GFRA1: variants seen among roughly 807,000 people sequenced by gnomAD.
GFRA1 encodes GDNF family receptor alpha 1.
Under a neutral mutation model 51.6 loss-of-function variants are expected in GFRA1, and 16 were observed. That is an observed-to-expected ratio of 0.31 (90% CI 0.21 to 0.47). The LOEUF is 0.47. Among genes scored for constraint, GFRA1 ranks in the 20% least tolerant of loss-of-function variants. GFRA1 has a pLI of 1.00. For missense variants in GFRA1, 530 were observed against 594.3 expected, an observed-to-expected ratio of 0.89 and a Z score of 1.13; for synonymous variants, 270 against 241.3, an observed-to-expected ratio of 1.12 and a Z score of -1.10.
chr10:116,237,574 CAAAAAAAAA>C (rs5788145), intron 4 of GFRA1, among the ~76,000 whole-genome samples: 4 of 112,592 alleles, frequency 3.6e-5, no homozygotes, highest in African/African-American at 1.2e-4. Context: ...AAACTAAAGG[CAAAAAAAAA>C]AAAAAAAAAG....
rs184172912 is a variant in GFRA1 at position 116,065,448 on chromosome 10, G to T, written c.1251+125C>A. On this transcript the variant is annotated intron_variant, in intron 10 of 10. Transcript: ENST00000355422. ...CAAAGGGCAGACGGTCATGGAGGGT[G>T]GCTTAGATTTCTTGTGGACTGGATA... 78 of 769,318 alleles carry T rather than the reference G, an allele frequency of 1.0e-4. No individual in the cohort carries two copies. The East Asian group carries it at 1.7e-3, about 17-fold the overall frequency. 47.7% of individuals were successfully genotyped at this position (769,318 alleles called of 1,614,324 possible).
Position 116,064,096 on chromosome 10 carries a change from T to TGATGATCATCATCATGATCAA in GFRA1, c.*301_*302insTTGATCATGATGATGATCATC. The stretch of plus-strand genomic sequence containing the variant: ...ATCATGATGATCATCATCATGATCA[T>TGATGATCATCATCATGATCAA]CATCATCATCGAAAACACAGCCCCA... On this transcript the variant is annotated 3_prime_UTR_variant, in exon 11 of 11. Transcript: ENST00000355422. 1 of 274,694 alleles carries TGATGATCATCATCATGATCAA rather than the reference T, an allele frequency of 3.6e-6. No individual in the cohort carries two copies. The highest frequency in any genetic ancestry group is 6.7e-6 in the Non-Finnish European group (1 of 149,002). The allele number at this position is 274,694 out of a possible 1,614,324, so 17.0% of individuals were successfully genotyped here.
At chr10:116,108,137 CA>C in intron 6 of GFRA1, among the ~76,000 whole-genome samples, 1 of 152,250 alleles carries the variant, frequency 6.6e-6, no homozygotes, top group Admixed American at 6.5e-5. Context: ...AACAGAAACA[CA>C]TGAAAATGAG....
intron 5 of GFRA1, among the ~76,000 whole-genome samples, chr10:116,156,986 G>C (rs191293426): frequency 6.6e-6 from 1 of 152,290 alleles, no homozygotes; most frequent in South Asian, 2.1e-4. Flanking sequence ...TAACTCCTTT[G>C]CAGAGTCTAG....
chr10:116,158,399 G>T lies in GFRA1; in HGVS notation c.434-32842C>A, dbSNP rs1959378866. ...CTCAAAAGATACTTGTTGAGTGAAT[G>T]AATGAATGATTCAGGAAAAAACCTT... On this transcript the variant is annotated intron_variant, in intron 5 of 10. Coordinates refer to ENST00000355422, the MANE Select transcript of GFRA1 (RefSeq NM_005264.8). Among the ~76,000 whole-genome samples, 2 of 152,224 alleles carry T rather than the reference G, an allele frequency of 1.3e-5. 1 individual carries two copies. The highest frequency in any genetic ancestry group is 4.8e-5 in the African/African-American group (2 of 41,464).
chr10:116,145,224 A>C (rs1958750349), intron 5 of GFRA1, among the ~76,000 whole-genome samples: 1 of 151,780 alleles, frequency 6.6e-6, no homozygotes, highest in South Asian at 2.1e-4. Context: ...CAAAGTAAAA[A>C]GATAAGCCAC....
At chr10:116,187,456 A>G (rs1334126908) in intron 5 of GFRA1, among the ~76,000 whole-genome samples, 2 of 152,168 alleles carry the variant, frequency 1.3e-5, no homozygotes, top group African/African-American at 2.4e-5. Flanking sequence ...AGCCTTATTC[A>G]AGGAGTTACG....
chr10:116,104,189 C>A (rs1956922886), intron 6 of GFRA1, among the ~76,000 whole-genome samples: 1 of 152,222 alleles, frequency 6.6e-6, no homozygotes, highest in African/African-American at 2.4e-5. Context: ...TTTAGCAAGA[C>A]AGCGGCCACA....
intron 8 of GFRA1, 24 bp downstream of exon 8, chr10:116,093,678 G>A (rs1228369689): frequency 6.2e-7 from 1 of 1,609,574 alleles, no homozygotes; most frequent in East Asian, 2.2e-5. Flanking sequence ...TTGCTCCTTT[G>A]TTTCTTATTT....
chr10:116,228,340 C>G (rs1456042830), intron 4 of GFRA1, among the ~76,000 whole-genome samples: 2 of 152,148 alleles, frequency 1.3e-5, no homozygotes, highest in Non-Finnish European at 2.9e-5. Context: ...GCTGGAGATG[C>G]CTAAGAAGAC....
intron 6 of GFRA1, among the ~76,000 whole-genome samples, chr10:116,121,742 C>A (rs1451131786): frequency 3.3e-5 from 5 of 152,108 alleles, no homozygotes; most frequent in Non-Finnish European, 7.4e-5. Context: ...CATCCCTTCC[C>A]TTTGGGGCTA....
At chr10:116,079,167 G>C (rs1315551229) in intron 9 of GFRA1, among the ~76,000 whole-genome samples, 1 of 152,042 alleles carries the variant, frequency 6.6e-6, no homozygotes, top group South Asian at 2.1e-4. Flanking sequence ...CAGTAGGAAG[G>C]CGGCCATCTG....
chr10:116,156,173 T>C (rs1015941581), intron 5 of GFRA1, among the ~76,000 whole-genome samples: 1 of 152,222 alleles, frequency 6.6e-6, no homozygotes, highest in African/African-American at 2.4e-5. Context: ...TGGTTAGAGA[T>C]TCTAGATGGT....
At chr10:116,119,849 C>T (rs550185211) in intron 6 of GFRA1, among the ~76,000 whole-genome samples, 2 of 152,392 alleles carry the variant, frequency 1.3e-5, no homozygotes, top group East Asian at 3.9e-4. Context: ...TTTTATGACA[C>T]GTTCCCCAGT....
At chr10:116,254,707 T>G (rs1464228636) in intron 4 of GFRA1, among the ~76,000 whole-genome samples, 3 of 152,116 alleles carry the variant, frequency 2.0e-5, no homozygotes, top group African/African-American at 7.2e-5. Flanking sequence ...AGCTAAATCT[T>G]CAAGACTAAA....
At chr10:116,201,820 C>G (rs1054992800) in intron 5 of GFRA1, among the ~76,000 whole-genome samples, 17 of 152,170 alleles carry the variant, frequency 1.1e-4, no homozygotes, top group Non-Finnish European at 2.4e-4. Context: ...TCCCCACCCC[C>G]CTCACCTCTG....
At chr10:116,203,986 G>A (rs182687603) in intron 5 of GFRA1, among the ~76,000 whole-genome samples, 1 of 152,328 alleles carries the variant, frequency 6.6e-6, no homozygotes, top group East Asian at 1.9e-4. Flanking sequence ...GAAGTCCTGA[G>A]AACAAGCCTG....
intron 5 of GFRA1, among the ~76,000 whole-genome samples, chr10:116,177,550 C>T (rs1961749273): frequency 6.6e-6 from 1 of 152,046 alleles, no homozygotes; most frequent in Non-Finnish European, 1.5e-5. Flanking sequence ...GTTGTCATAA[C>T]ACAGGTGGGT....
At chr10:116,192,319 T>C (rs1963343350) in intron 5 of GFRA1, among the ~76,000 whole-genome samples, 1 of 152,146 alleles carries the variant, frequency 6.6e-6, no homozygotes, top group African/African-American at 2.4e-5. Context: ...GGTGTGCATA[T>C]GAGGCCTTTT....
Sources: allele counts gnomAD v4.1 joint callset (sites outside exome capture counted in the v4.1 genomes callset), GRCh38; gene constraint gnomAD v4.1.1; transcripts MANE v1.5; gene names NCBI Gene and HGNC (gene_info 2026-07-23, HGNC 2026-07-21).